PCDHGA6: variants seen among roughly 807,000 people sequenced by gnomAD.
PCDHGA6 encodes protocadherin gamma subfamily A, 6.
Under a neutral mutation model 60.6 loss-of-function variants are expected in PCDHGA6, and 41 were observed. That is an observed-to-expected ratio of 0.68 (90% CI 0.53 to 0.88). PCDHGA6 has a LOEUF of 0.88. Among genes scored for constraint, PCDHGA6 ranks in the 40% least tolerant of loss-of-function variants. PCDHGA6 has a pLI of 0.00. For synonymous variants in PCDHGA6, 594 were observed against 524.4 expected (o/e 1.13, Z -1.81); for missense variants, 1,312 against 1,203.0 (o/e 1.09, Z -1.34).
Position 141,383,152 on chromosome 5 carries a change from G to T in PCDHGA6, c.2424+6645G>T, listed in dbSNP as rs200500982. ...CCTGAACCAGCGCAGCGGCAGCTTG[G>T]TCACTGCGGGCAGGATAGACCGGGA... On this transcript the variant is annotated intron_variant, in intron 1 of 3. Coordinates refer to ENST00000517434, the MANE Select transcript of PCDHGA6 (RefSeq NM_018919.3). 3.1e-6 allele frequency: 5 copies of T among 1,614,006 alleles called. No homozygotes were observed. In the African/African-American group the frequency reaches 6.7e-5, roughly 22 times the overall value.
intron 1 of PCDHGA6, among the ~76,000 whole-genome samples, chr5:141,482,800 G>C (rs10052648): frequency 0.023 from 2,992 of 130,874 alleles, 96 homozygotes; most frequent in African/African-American, 0.087. Context: ...GGCCGGGTAC[G>C]GTGGCTCATG....
intron 1 of PCDHGA6, chr5:141,398,054 A>G (rs372627681): frequency 9.0e-5 from 136 of 1,518,912 alleles, no homozygotes; most frequent in Non-Finnish European, 1.0e-4. Context: ...CGGAGATCCA[A>G]AAATCTACAA....
intron 1 of PCDHGA6, chr5:141,414,421 A>C (rs1250470349): frequency 6.2e-7 from 1 of 1,613,894 alleles, no homozygotes; most frequent in East Asian, 2.2e-5. Context: ...AGCCCTTGAC[A>C]GGGAACAGGT....
At chr5:141,502,356 G>C (rs1443285213) in intron 2 of PCDHGA6, among the ~76,000 whole-genome samples, 4 of 151,838 alleles carry the variant, frequency 2.6e-5, no homozygotes. Flanking sequence ...TAATGACATG[G>C]ATATTTTTAA....
intron 1 of PCDHGA6, among the ~76,000 whole-genome samples, chr5:141,451,298 C>T (rs1221562397): frequency 6.6e-6 from 1 of 152,206 alleles, no homozygotes; most frequent in African/African-American, 2.4e-5. Context: ...CAAAGTCTTA[C>T]AAGGCAGCAA....
In PCDHGA6 at chr5:141,375,018, C is replaced by A; in HGVS notation, c.935C>A (p.Ser312Ter). 1.9e-6 allele frequency: 3 copies of A among 1,613,982 alleles called. No individual in the cohort carries two copies. The South Asian group carries it at 3.3e-5, about 18-fold the overall frequency. ...STSANLDYED[S>*]SFYELGVEAR... ...TCTGCAAATCTAGACTATGAGGACTCGAGTTTTTATGAGCTGGGTGTTGAA... is the reference window on the plus strand; with the variant it reads ...TCTGCAAATCTAGACTATGAGGACTAGAGTTTTTATGAGCTGGGTGTTGAA... Residue 312 changes from serine to a stop codon, truncating the protein, a stop_gained, in exon 1 of 4, where the codon TCG becomes TAG. Transcript: ENST00000517434. LOFTEE classifies it high-confidence loss of function.
intron 1 of PCDHGA6, among the ~76,000 whole-genome samples, chr5:141,386,366 C>A (rs2090545743): frequency 6.6e-6 from 1 of 151,962 alleles, no homozygotes; most frequent in Non-Finnish European, 1.5e-5. Context: ...ATTCCAGAGA[C>A]CTTTGAGTAT....
At chr5:141,422,459 T>C (rs1368153179) in intron 1 of PCDHGA6, 1 of 1,613,448 alleles carries the variant, frequency 6.2e-7, no homozygotes, top group South Asian at 1.1e-5. Context: ...AGCAGAGTGC[T>C]GGACAGGGAG....
chr5:141,415,428 G>A, intron 1 of PCDHGA6: 1 of 1,614,206 alleles, frequency 6.2e-7, no homozygotes, highest in Non-Finnish European at 8.5e-7. Flanking sequence ...ACGGGGTTCG[G>A]GCTTTCCTGC....
intron 1 of PCDHGA6, chr5:141,399,855 C>A (rs773247537): frequency 2.5e-6 from 4 of 1,612,892 alleles, no homozygotes; most frequent in Non-Finnish European, 2.5e-6. Context: ...TGGTGCCGCG[C>A]GCTGCAGAGC....
chr5:141,471,196 C>T (rs59385734), intron 1 of PCDHGA6: 16,293 of 151,632 alleles, frequency 0.11, 894 homozygotes, highest in South Asian at 0.15. Context: ...ATTACAGGCA[C>T]CCACCCCCAT....
At position 141,385,168 on chromosome 5, in the gene PCDHGA6, G is replaced by T. The variant is rs376175214; in HGVS notation, c.2424+8661G>T. On this transcript the variant is annotated intron_variant, in intron 1 of 3. Transcript: ENST00000517434. ...TTTCCTGCAGACCTATTCCCATGAG[G>T]TCTCCCTCACCGCGGACTCTCGGAA... 1.5e-5 allele frequency: 24 copies of T among 1,614,100 alleles called. No individual in the cohort carries two copies. Among genetic ancestry groups the T allele is most frequent in the Non-Finnish European group, 2.0e-5 (24 of 1,180,058 alleles).
intron 1 of PCDHGA6, among the ~76,000 whole-genome samples, chr5:141,445,948 G>A (rs538607380): frequency 6.6e-6 from 1 of 152,236 alleles, no homozygotes; most frequent in South Asian, 2.1e-4. Flanking sequence ...GCTTACTCTG[G>A]CTGCTATATG....
intron 1 of PCDHGA6, among the ~76,000 whole-genome samples, chr5:141,461,782 TAG>T (rs2099022757): frequency 6.6e-6 from 1 of 152,086 alleles, no homozygotes; most frequent in South Asian, 2.1e-4. Context: ...GCCTCCCAAG[TAG>T]CTGGGATTAC....
intron 1 of PCDHGA6, chr5:141,393,190 T>C: frequency 6.2e-7 from 1 of 1,613,384 alleles, no homozygotes; most frequent in Non-Finnish European, 8.5e-7. Flanking sequence ...ATAATTGATA[T>C]TAACGATAAT....
At chr5:141,464,680 A>G (rs747974832) in intron 1 of PCDHGA6, among the ~76,000 whole-genome samples, 3 of 152,144 alleles carry the variant, frequency 2.0e-5, no homozygotes, top group Non-Finnish European at 4.4e-5. Flanking sequence ...TTTTAATTAA[A>G]ATTTCTCTTA....
At chr5:141,394,250 C>T (rs749533197) in intron 1 of PCDHGA6, 15 of 1,613,784 alleles carry the variant, frequency 9.3e-6, no homozygotes, top group Non-Finnish European at 1.0e-5. Flanking sequence ...CACACGACCC[C>T]GACAGCCAGG....
At chr5:141,460,488 T>C (rs1226287742) in intron 1 of PCDHGA6, among the ~76,000 whole-genome samples, 1 of 152,186 alleles carries the variant, frequency 6.6e-6, no homozygotes, top group Admixed American at 6.6e-5. Flanking sequence ...ATTGTCTCTT[T>C]GGAAAAATAT....
chr5:141,389,010 C>T (rs141101630), intron 1 of PCDHGA6: 2 of 1,613,862 alleles, frequency 1.2e-6, no homozygotes, highest in African/African-American at 2.7e-5. Flanking sequence ...GGATTCCAGA[C>T]ACAATGGAGA....
Sources: allele counts gnomAD v4.1 joint callset (sites outside exome capture counted in the v4.1 genomes callset), GRCh38; gene constraint gnomAD v4.1.1; transcripts MANE v1.5; gene names NCBI Gene and HGNC (gene_info 2026-07-23, HGNC 2026-07-21).